Variants in MYO3B observed in about 807,000 individuals in gnomAD.
MYO3B encodes the protein myosin IIIB.
Under a neutral mutation model 174.6 loss-of-function variants are expected in MYO3B, and 156 were observed. The ratio of observed to expected loss-of-function variants is 0.89; its 90% CI spans 0.78 to 1.02. The LOEUF is 1.02. MYO3B is among the 50% of genes least tolerant of loss of function. The pLI, the probability that MYO3B is intolerant of heterozygous loss-of-function variation, is 0.00. For missense variants in MYO3B, 1,632 were observed against 1,639.4 expected, an observed-to-expected ratio of 1.00 and a Z score of 0.08; for synonymous variants, 563 against 569.1, an observed-to-expected ratio of 0.99 and a Z score of 0.15.
At chr2:170,235,957 G>A in intron 6 of MYO3B, 34 bp from the exon 7 acceptor site, 1 of 1,612,680 alleles carries the variant, frequency 6.2e-7, no homozygotes, top group Non-Finnish European at 8.5e-7. Context: ...GTGGCAGTAG[G>A]GTTGATGTGT....
intron 32 of MYO3B, chr2:170,601,964 A>G: frequency 1.2e-6 from 1 of 852,072 alleles, no homozygotes; most frequent in Non-Finnish European, 2.0e-6. Context: ...GAATCCTCGA[A>G]CTTCTTTTTT....
At chr2:170,418,165 T>A (rs1207164085) in intron 22 of MYO3B, among the ~76,000 whole-genome samples, 7 of 152,228 alleles carry the variant, frequency 4.6e-5, no homozygotes, top group Non-Finnish European at 2.9e-5. Context: ...GAGTTGAGAT[T>A]GCTCTCATTT....
chr2:170,289,780 G>A (rs370887796), intron 7 of MYO3B, among the ~76,000 whole-genome samples: 21 of 151,942 alleles, frequency 1.4e-4, no homozygotes, highest in East Asian at 9.7e-4. Flanking sequence ...CTTGAGGGGT[G>A]TCATTAGGTT....
chr2:170,585,295 A>T (rs1693432824), intron 32 of MYO3B, among the ~76,000 whole-genome samples: 1 of 152,186 alleles, frequency 6.6e-6, no homozygotes, highest in African/African-American at 2.4e-5. Flanking sequence ...TAGTACTCAT[A>T]GTAATTCTTT....
chr2:170,304,897 G>T (rs1405872008), intron 7 of MYO3B, among the ~76,000 whole-genome samples: 6 of 149,606 alleles, frequency 4.0e-5, no homozygotes, highest in Non-Finnish European at 7.4e-5. Context: ...TTTTGTTTAA[G>T]GTTTATTTTT....
rs557411864 is a variant in MYO3B at position 170,423,349 on chromosome 2, G to A, written c.2650+15505G>A. 2.0e-4 allele frequency among the ~76,000 whole-genome samples: 30 copies of A among 152,196 alleles called. No homozygotes were observed. In the East Asian group the frequency reaches 5.8e-3, roughly 29 times the overall value. On this transcript the variant is annotated intron_variant, in intron 22 of 34. Transcript: ENST00000408978. Reference sequence around the variant, plus strand: ...AGTAGCATGACTGCAGAGGATCGCTGCATCGGCCACAGAAGTGCCTCATTC... The same window carrying A: ...AGTAGCATGACTGCAGAGGATCGCTACATCGGCCACAGAAGTGCCTCATTC...
rs1699192867 is a variant in MYO3B, at chr2:170,654,674, G to GAT, written c.*1554_*1555insTA. ...AAAAAAAAAAAAAAAAAAAAAAAAA[G>GAT]AGATAGTATGCAAGAAGACACCTAA... On this transcript the variant is annotated 3_prime_UTR_variant, in exon 35 of 35. Transcript: ENST00000408978. 1 of 125,856 alleles carries GAT rather than the reference G, an allele frequency of 7.9e-6. No individual in the cohort carries two copies. The highest frequency in any genetic ancestry group is 3.0e-5 in the African/African-American group (1 of 33,442). 7.8% of individuals were successfully genotyped at this position (125,856 alleles called of 1,614,324 possible).
At chr2:170,464,000 C>T (rs999304489) in intron 24 of MYO3B, among the ~76,000 whole-genome samples, 6 of 152,170 alleles carry the variant, frequency 3.9e-5, no homozygotes, top group Admixed American at 3.3e-4. Flanking sequence ...AATTATAAAG[C>T]GTTAGAGTTG....
In MYO3B at chr2:170,310,646, C is replaced by G. The variant is rs370695233; in HGVS notation, c.750-24739C>G. ...TGCTACTGCACTCCAGCCTGGGCGA[C>G]AAGAGCAAGACTCCATCTCAAAAAA... On this transcript the variant is annotated intron_variant, in intron 7 of 34. Coordinates refer to ENST00000408978, the MANE Select transcript of MYO3B (RefSeq NM_138995.5). Among the ~76,000 whole-genome samples, 6 of 102,738 alleles carry G rather than the reference C, an allele frequency of 5.8e-5. 1 individual carries two copies. The highest frequency in any genetic ancestry group is 3.2e-4 in the Admixed American group (2 of 6,316). 67.4% of individuals were successfully genotyped at this position (102,738 alleles called of 152,430 possible).
At chr2:170,320,734 A>T (rs1219011295) in intron 7 of MYO3B, among the ~76,000 whole-genome samples, 1 of 152,136 alleles carries the variant, frequency 6.6e-6, no homozygotes, top group Non-Finnish European at 1.5e-5. Flanking sequence ...GACATTCTCA[A>T]ATTTCAAAAA....
intron 22 of MYO3B, among the ~76,000 whole-genome samples, chr2:170,423,647 C>G (rs1046643480): frequency 6.4e-5 from 9 of 139,964 alleles, no homozygotes; most frequent in Non-Finnish European, 9.1e-5. Flanking sequence ...GTGGTGCGAT[C>G]TCAGCTCACT....
intron 33 of MYO3B, 73 bp from the exon 34 acceptor site, chr2:170,652,035 C>A: frequency 6.6e-7 from 1 of 1,509,698 alleles, no homozygotes; most frequent in Non-Finnish European, 9.1e-7. Context: ...GCATTCAACA[C>A]AAAATCACTT....
At chr2:170,524,667 G>A (rs191740255) in intron 30 of MYO3B, 1 of 332,954 alleles carries the variant, frequency 3.0e-6, no homozygotes, top group Non-Finnish European at 5.9e-6. Context: ...TGTTTTTAGT[G>A]GAGATGGGGT....
At chr2:170,581,990 G>C (rs1315634377) in intron 32 of MYO3B, among the ~76,000 whole-genome samples, 1 of 152,192 alleles carries the variant, frequency 6.6e-6, no homozygotes, top group Admixed American at 6.5e-5. Context: ...AATGTAATGT[G>C]GGATATACAC....
intron 16 of MYO3B, among the ~76,000 whole-genome samples, chr2:170,395,687 G>A (rs12466182): frequency 0.33 from 49,630 of 151,974 alleles, 8,433 homozygotes; most frequent in Non-Finnish European, 0.39. Context: ...CAGAGCCTGT[G>A]GGGAGGTCCT....
chr2:170,499,778 A>C lies in MYO3B; in HGVS notation c.3259A>C (p.Arg1087=). Residue 1087 remains arginine, a synonymous_variant, in exon 27 of 35, where the codon AGA becomes CGA. Coordinates refer to ENST00000408978, the MANE Select transcript of MYO3B (RefSeq NM_138995.5). ...ARRYKRVREK[R]EKGAIAIQSA... Reference sequence around the variant, plus strand: ...GAGATACAAAAGGGTCAGAGAGAAGAGAGAGAAGGGAGCCATTGCCATCCA... The same window carrying C: ...GAGATACAAAAGGGTCAGAGAGAAGCGAGAGAAGGGAGCCATTGCCATCCA... 6.2e-7 allele frequency: 1 copy of C among 1,614,084 alleles called. No individual in the cohort carries two copies. The highest frequency in any genetic ancestry group is 8.5e-7 in the Non-Finnish European group (1 of 1,179,936).
chr2:170,632,647 A>G (rs1431983475), intron 32 of MYO3B, among the ~76,000 whole-genome samples: 11 of 152,256 alleles, frequency 7.2e-5, no homozygotes, highest in Admixed American at 5.2e-4. Context: ...GAGAACTGAA[A>G]GAGATAGAGA....
At chr2:170,616,738 T>C (rs924755670) in intron 32 of MYO3B, among the ~76,000 whole-genome samples, 1 of 152,192 alleles carries the variant, frequency 6.6e-6, no homozygotes, top group African/African-American at 2.4e-5. Flanking sequence ...TTGAATGGGG[T>C]TGAGATTAGA....
chr2:170,444,152 C>T (rs2094823357), intron 23 of MYO3B, 106 bp downstream of exon 23: 1 of 920,972 alleles, frequency 1.1e-6, no homozygotes, highest in Non-Finnish European at 1.7e-6. Context: ...AGCCCTCTGC[C>T]TGGGCAGTCT....
Sources: allele counts gnomAD v4.1 joint callset (sites outside exome capture counted in the v4.1 genomes callset), GRCh38; gene constraint gnomAD v4.1.1; transcripts MANE v1.5; gene names NCBI Gene and HGNC (gene_info 2026-07-23, HGNC 2026-07-21).